Variants in FBXW10B observed in about 807,000 individuals in gnomAD.
FBXW10B encodes F-box and WD repeat domain containing 10B.
At chr17:15,580,370 C>A in the FBXW10B span, among the ~76,000 whole-genome samples, 30 of 151,968 alleles carry the variant, frequency 2.0e-4, 1 homozygote, top group East Asian at 5.2e-3. Context: ...ATTATTAATT[C>A]CTCTGTTCTT....
At chr17:15,612,282 C>A in the FBXW10B span, among the ~76,000 whole-genome samples, 587 of 151,732 alleles carry the variant, frequency 3.9e-3, 1 homozygote, top group Non-Finnish European at 6.1e-3. Flanking sequence ...CCGAGGCGGG[C>A]GGATCACAAG....
At chr17:15,619,686 T>A in the FBXW10B span, 1 of 901,060 alleles carries the variant, frequency 1.1e-6, no homozygotes, top group East Asian at 1.2e-4. Context: ...TCTCTCTCAG[T>A]AACTGCCAGC....
At chr17:15,613,754 A>C in the FBXW10B span, 1 of 1,613,716 alleles carries the variant, frequency 6.2e-7, no homozygotes, top group Middle Eastern at 1.6e-4. Flanking sequence ...TGGAAAAAAA[A>C]AAAAGATGGA....
At chr17:15,591,034 G>C in the FBXW10B span, among the ~76,000 whole-genome samples, 1 of 152,198 alleles carries the variant, frequency 6.6e-6, no homozygotes, top group South Asian at 2.1e-4. Context: ...CCAGGCCATG[G>C]AGAACTTGGT....
the FBXW10B span, among the ~76,000 whole-genome samples, chr17:15,576,743 C>G: frequency 6.6e-6 from 1 of 150,578 alleles, no homozygotes; most frequent in Non-Finnish European, 1.5e-5. Context: ...AGAGATTGCA[C>G]GATAAGAGCA....
the FBXW10B span, among the ~76,000 whole-genome samples, chr17:15,592,087 A>G: frequency 0.07 from 10,624 of 152,110 alleles, 927 homozygotes; most frequent in African/African-American, 0.21. Flanking sequence ...AAAATACTCT[A>G]TACAGGTTTC....
the FBXW10B span, chr17:15,605,078 A>C: frequency 1.4e-6 from 2 of 1,476,492 alleles, no homozygotes; most frequent in Non-Finnish European, 1.8e-6. Context: ...CCTTGCCAAA[A>C]AAAAAATAAG....
At chr17:15,614,333 C>A in the FBXW10B span, among the ~76,000 whole-genome samples, 51 of 152,064 alleles carry the variant, frequency 3.4e-4, no homozygotes, top group Non-Finnish European at 5.7e-4. Context: ...GGACTACAGG[C>A]GCCCGCCACC....
At chr17:15,589,641 G>A in the FBXW10B span, among the ~76,000 whole-genome samples, 15 of 150,828 alleles carry the variant, frequency 9.9e-5, no homozygotes, top group African/African-American at 3.6e-4. Flanking sequence ...CTAAATTTGT[G>A]GGGTGAAAAT....
At chr17:15,580,005 G>T in the FBXW10B span, among the ~76,000 whole-genome samples, 1 of 150,962 alleles carries the variant, frequency 6.6e-6, no homozygotes, top group Non-Finnish European at 1.5e-5. Flanking sequence ...GTAGCCTTGG[G>T]CAGGAAAGGC....
the FBXW10B span, among the ~76,000 whole-genome samples, chr17:15,614,494 G>A: frequency 3.9e-5 from 6 of 152,036 alleles, no homozygotes; most frequent in South Asian, 2.1e-4. Context: ...GCACCCGGCC[G>A]AGAATAGAAT....
chr17:15,578,369 A>G, the FBXW10B span, among the ~76,000 whole-genome samples: 1 of 151,238 alleles, frequency 6.6e-6, no homozygotes, highest in African/African-American at 2.4e-5. Context: ...CCAGTCTCCA[A>G]AGCAGCAGAG....
chr17:15,577,362 C>T, the FBXW10B span, among the ~76,000 whole-genome samples: 651 of 152,162 alleles, frequency 4.3e-3, 6 homozygotes, highest in African/African-American at 0.015. Context: ...ACAAGAGGAA[C>T]GCTGCTGGGA....
At chr17:15,619,147 C>T in the FBXW10B span, 6 of 1,613,896 alleles carry the variant, frequency 3.7e-6, no homozygotes, top group African/African-American at 1.3e-5. Context: ...CAAACCAATA[C>T]AAGATCTCTT....
chr17:15,581,628 C>T, the FBXW10B span, among the ~76,000 whole-genome samples: 1 of 151,442 alleles, frequency 6.6e-6, no homozygotes, highest in South Asian at 2.1e-4. Flanking sequence ...GATGACCTAA[C>T]CAGGCCGGCC....
At chr17:15,610,163 C>G in the FBXW10B span, among the ~76,000 whole-genome samples, 1 of 152,082 alleles carries the variant, frequency 6.6e-6, no homozygotes, top group South Asian at 2.1e-4. Context: ...CGCCTGGCCC[C>G]TTTTCTTAAA....
the FBXW10B span, chr17:15,598,761 T>C: frequency 6.6e-7 from 1 of 1,526,228 alleles, no homozygotes; most frequent in Non-Finnish European, 8.8e-7. Context: ...CAGATTCTCA[T>C]GGTTCAGCTT....
chr17:15,591,311 A>T, the FBXW10B span, among the ~76,000 whole-genome samples: 1 of 152,128 alleles, frequency 6.6e-6, no homozygotes, highest in Non-Finnish European at 1.5e-5. Flanking sequence ...TTCTTTTGAG[A>T]TGGCGTCTCG....
chr17:15,592,305 T>G, the FBXW10B span, among the ~76,000 whole-genome samples: 2 of 150,750 alleles, frequency 1.3e-5, no homozygotes, highest in East Asian at 1.9e-4. Context: ...GTTTTTTTTT[T>G]TTTTTTTTTT....
Sources: allele counts gnomAD v4.1 joint callset (sites outside exome capture counted in the v4.1 genomes callset), GRCh38; gene constraint gnomAD v4.1.1; transcripts MANE v1.5; gene names NCBI Gene and HGNC (gene_info 2026-07-23, HGNC 2026-07-21).